Variants in PCDH15 observed in about 807,000 individuals in gnomAD.
The protein encoded by PCDH15 is protocadherin related 15.
PCDH15 carries 129 observed loss-of-function variants against 178.5 expected under a neutral mutation model. The observed-to-expected ratio is 0.72, with a 90% confidence interval of 0.63 to 0.84. The LOEUF (loss-of-function observed/expected upper bound fraction) is 0.84. Ranked by LOEUF, PCDH15 falls within the 40% of genes least tolerant of loss-of-function variation. The probability of loss-of-function intolerance (pLI) is 0.00; values close to 1 mark genes in which losing one functional copy is unlikely to be tolerated. For synonymous variants in PCDH15, 800 were observed against 732.0 expected (o/e 1.09, Z -1.50); for missense variants, 2,230 against 2,099.9 (o/e 1.06, Z -1.21).
intron 2 of PCDH15, among the ~76,000 whole-genome samples, chr10:54,655,271 A>AGAGAGAGAGAGAGAGG (rs2094360551): frequency 8.6e-6 from 1 of 115,704 alleles, no homozygotes; most frequent in Non-Finnish European, 1.9e-5. Flanking sequence ...AGAGAGAGAG[A>AGAGAGAGAGAGAGAGG]GAGAGAGAGA....
At chr10:55,222,234 A>G (rs965787940) in intron 1 of PCDH15, among the ~76,000 whole-genome samples, 2 of 151,942 alleles carry the variant, frequency 1.3e-5, no homozygotes, top group East Asian at 1.9e-4. Context: ...AATGCCTCAA[A>G]TATTAACAAT....
At chr10:55,607,929 CAGAG>C (rs758262078) in intron 2 of PCDH15, among the ~76,000 whole-genome samples, 9 of 150,652 alleles carry the variant, frequency 6.0e-5, no homozygotes, top group African/African-American at 1.5e-4. Context: ...CACACAGAGA[CAGAG>C]AGAGAGAGAA....
intron 10 of PCDH15, among the ~76,000 whole-genome samples, chr10:54,210,705 C>T (rs888387295): frequency 6.6e-5 from 10 of 151,812 alleles, no homozygotes; most frequent in South Asian, 2.1e-4. Context: ...GCACTGGAAG[C>T]GGTTTAGTAT....
chr10:54,866,397 G>A (rs1430486912), intron 3 of PCDH15, among the ~76,000 whole-genome samples: 1 of 152,158 alleles, frequency 6.6e-6, no homozygotes, highest in Non-Finnish European at 1.5e-5. Flanking sequence ...CAGACAGAGA[G>A]TGGTGGGAAA....
intron 18 of PCDH15, among the ~76,000 whole-genome samples, chr10:54,037,982 T>C (rs2093456555): frequency 6.6e-6 from 1 of 151,922 alleles, no homozygotes; most frequent in African/African-American, 2.4e-5. Context: ...AGTATGATAC[T>C]GAGAAGTCAT....
intron 21 of PCDH15, among the ~76,000 whole-genome samples, chr10:53,965,869 A>AT (rs879820262): frequency 4.1e-5 from 3 of 73,022 alleles, no homozygotes; most frequent in East Asian, 8.2e-4. Context: ...TAAAGCCAAA[A>AT]TTTTTTTTTG....
At chr10:54,055,672 C>A (rs866120091) in intron 18 of PCDH15, among the ~76,000 whole-genome samples, 3 of 152,152 alleles carry the variant, frequency 2.0e-5, no homozygotes, top group Admixed American at 6.6e-5. Context: ...TTCCCTCCCC[C>A]CTCAACCTCC....
At chr10:54,917,196 G>A (rs771028047) in intron 2 of PCDH15, among the ~76,000 whole-genome samples, 9 of 152,088 alleles carry the variant, frequency 5.9e-5, no homozygotes, top group Non-Finnish European at 1.2e-4. Context: ...GATTTGTGTG[G>A]TGGGTAATAT....
intron 4 of PCDH15, among the ~76,000 whole-genome samples, chr10:54,370,881 A>G (rs1270158460): frequency 1.3e-5 from 2 of 151,846 alleles, no homozygotes; most frequent in African/African-American, 4.8e-5. Context: ...CAACAAAGAA[A>G]AAGAAAGTTG....
intron 2 of PCDH15, among the ~76,000 whole-genome samples, chr10:55,422,839 T>C (rs952595346): frequency 9.2e-5 from 14 of 151,862 alleles, no homozygotes; most frequent in African/African-American, 2.9e-4. Flanking sequence ...GTTTATTTTA[T>C]AGATAAGAAA....
At chr10:55,547,871 A>AC (rs925731133) in intron 2 of PCDH15, among the ~76,000 whole-genome samples, 1 of 123,546 alleles carries the variant, frequency 8.1e-6, no homozygotes, top group Non-Finnish European at 1.7e-5. Context: ...GCCCAGGCTA[A>AC]CAATGCAGGG....
At chr10:54,450,250 C>A (rs1007325737) in intron 3 of PCDH15, among the ~76,000 whole-genome samples, 1 of 150,106 alleles carries the variant, frequency 6.7e-6, no homozygotes, top group Non-Finnish European at 1.5e-5. Context: ...CCCATTAACT[C>A]GTCATTTACA....
intron 2 of PCDH15, among the ~76,000 whole-genome samples, chr10:55,018,864 A>C (rs1840253459): frequency 6.6e-6 from 1 of 152,136 alleles, no homozygotes; most frequent in African/African-American, 2.4e-5. Context: ...TATACCTCGT[A>C]TAGGATAAAA....
intron 2 of PCDH15, among the ~76,000 whole-genome samples, chr10:55,455,750 C>T (rs924660937): frequency 1.3e-5 from 2 of 152,004 alleles, no homozygotes; most frequent in Admixed American, 6.6e-5. Flanking sequence ...TTATTAATGA[C>T]CTCCTCAATT....
intron 2 of PCDH15, among the ~76,000 whole-genome samples, chr10:54,622,625 AT>A (rs1378314610): frequency 0.014 from 592 of 43,056 alleles, 25 homozygotes; most frequent in African/African-American, 0.051. Context: ...TATAATATAT[AT>A]AATATATATT....
In PCDH15 at chr10:55,624,253, C is replaced by T. The variant is rs188818375; in HGVS notation, c.-156+3372G>A. On this transcript the variant is annotated intron_variant, in intron 2 of 5. Transcript: ENST00000613346. Reference sequence around the variant, plus strand: ...TTTCCTAATTTTTTCCCCAGGGTTCCAAATTCTTAGTGTAACACCAACCAA... The same window carrying T: ...TTTCCTAATTTTTTCCCCAGGGTTCTAAATTCTTAGTGTAACACCAACCAA... 2.1e-3 allele frequency among the ~76,000 whole-genome samples: 313 copies of T among 151,742 alleles called. 5 individuals carry two copies. The highest frequency in any genetic ancestry group is 6.8e-3 in the African/African-American group (279 of 41,260).
At chr10:54,070,255 G>A (rs2094213954) in intron 17 of PCDH15, among the ~76,000 whole-genome samples, 1 of 152,218 alleles carries the variant, frequency 6.6e-6, no homozygotes, top group Admixed American at 6.5e-5. Flanking sequence ...TCAGGCTGGA[G>A]TGCAGTGGCA....
At chr10:53,824,991 G>A in intron 32 of PCDH15, 1 of 1,037,594 alleles carries the variant, frequency 9.6e-7, no homozygotes. Flanking sequence ...AATTGGGTGT[G>A]GAAGACAAAA....
intron 1 of PCDH15, among the ~76,000 whole-genome samples, chr10:55,250,506 A>G (rs941018623): frequency 6.6e-6 from 1 of 150,600 alleles, no homozygotes; most frequent in Non-Finnish European, 1.5e-5. Context: ...AGTCAATACC[A>G]AAATGACCTA....
Sources: allele counts gnomAD v4.1 joint callset (sites outside exome capture counted in the v4.1 genomes callset), GRCh38; gene constraint gnomAD v4.1.1; transcripts MANE v1.5; gene names NCBI Gene and HGNC (gene_info 2026-07-23, HGNC 2026-07-21).